SUGCT: variants seen among roughly 807,000 people sequenced by gnomAD.
SUGCT encodes succinyl-CoA:glutarate-CoA transferase.
In SUGCT, 41 loss-of-function variants were observed where a neutral mutation model predicts 55.0. The ratio of observed to expected loss-of-function variants is 0.74; its 90% CI spans 0.58 to 0.97. The LOEUF is 0.97. SUGCT is among the 50% of genes least tolerant of loss of function. The pLI is 0.00. For missense variants in SUGCT, 568 were observed against 547.8 expected (o/e 1.04, Z -0.37); for synonymous variants, 187 against 200.4 (o/e 0.93, Z 0.56).
At chr7:40,879,775 G>A in the SUGCT span, among the ~76,000 whole-genome samples, 31 of 152,296 alleles carry the variant, frequency 2.0e-4, no homozygotes, top group African/African-American at 7.0e-4. Flanking sequence ...GTCTGCAGTT[G>A]GGCAGTGCTT....
chr7:40,680,616 A>G (rs1584263093), intron 12 of SUGCT, among the ~76,000 whole-genome samples: 3 of 152,272 alleles, frequency 2.0e-5, no homozygotes, highest in Admixed American at 2.0e-4. Context: ...TACTTGTTCC[A>G]TGAAGTTTTA....
intron 1 of SUGCT, among the ~76,000 whole-genome samples, chr7:40,165,260 A>G (rs997964144): frequency 6.6e-6 from 1 of 152,036 alleles, no homozygotes; most frequent in Admixed American, 6.6e-5. Context: ...TTTAATCTCA[A>G]TAGTTGGCTA....
At chr7:40,476,328 C>G (rs964736233) in intron 11 of SUGCT, among the ~76,000 whole-genome samples, 1 of 152,076 alleles carries the variant, frequency 6.6e-6, no homozygotes, top group African/African-American at 2.4e-5. Flanking sequence ...ACAGTGCTTA[C>G]AGTTAGTGGA....
intron 12 of SUGCT, among the ~76,000 whole-genome samples, chr7:40,514,241 T>C (rs1793111436): frequency 6.6e-6 from 1 of 152,078 alleles, no homozygotes; most frequent in Non-Finnish European, 1.5e-5. Context: ...AGTCCTGATG[T>C]AGAGTCACCA....
intron 13 of SUGCT, among the ~76,000 whole-genome samples, chr7:40,838,957 T>TA (rs1793136795): frequency 1.3e-5 from 2 of 151,870 alleles, no homozygotes; most frequent in African/African-American, 4.8e-5. Context: ...TTTTTTTTTT[T>TA]TTTCACATGT....
At chr7:40,341,485 G>A (rs1294567481) in intron 9 of SUGCT, among the ~76,000 whole-genome samples, 5 of 152,170 alleles carry the variant, frequency 3.3e-5, no homozygotes, top group African/African-American at 1.2e-4. Context: ...TCCCTCTTGG[G>A]ATTTCTGCTG....
intron 12 of SUGCT, among the ~76,000 whole-genome samples, chr7:40,698,522 G>A (rs1457405155): frequency 6.6e-6 from 1 of 151,934 alleles, no homozygotes; most frequent in Non-Finnish European, 1.5e-5. Context: ...AGGAAGAAGC[G>A]ACCACACCCT....
chr7:40,336,534 G>A (rs1448866803), intron 9 of SUGCT, among the ~76,000 whole-genome samples: 8 of 152,124 alleles, frequency 5.3e-5, no homozygotes, highest in Non-Finnish European at 7.4e-5. Context: ...GTTTATTTGT[G>A]TAGAGGTGTT....
chr7:40,409,346 C>G (rs1393503862), intron 9 of SUGCT, among the ~76,000 whole-genome samples: 5 of 150,918 alleles, frequency 3.3e-5, no homozygotes, highest in African/African-American at 7.3e-5. Flanking sequence ...TCACAGCAGC[C>G]TTGACTTCCT....
chr7:40,385,912 A>G (rs1785098691), intron 9 of SUGCT, among the ~76,000 whole-genome samples: 1 of 152,212 alleles, frequency 6.6e-6, no homozygotes, highest in Non-Finnish European at 1.5e-5. Flanking sequence ...GTGACATGTA[A>G]CAATTGTTAG....
intron 8 of SUGCT, among the ~76,000 whole-genome samples, chr7:40,292,729 T>C (rs894384193): frequency 6.6e-6 from 1 of 152,204 alleles, no homozygotes; most frequent in African/African-American, 2.4e-5. Context: ...TGGTGCGGTA[T>C]AGTCAGATAT....
In SUGCT at chr7:40,170,077, T is replaced by C. The variant is rs1245475870; in HGVS notation, c.101-10870T>C. ...CTAATTTTCCTTAGTCCTTCTGGCA[T>C]GCAAGTTAGCAAATGTCTGTGGCAC... On this transcript the variant is annotated intron_variant, in intron 1 of 13. Coordinates refer to ENST00000335693, the MANE Select transcript of SUGCT (RefSeq NM_001193313.2). Among the ~76,000 whole-genome samples, 122 of 152,168 alleles carry C rather than the reference T, an allele frequency of 8.0e-4. 1 individual carries two copies. The highest frequency in any genetic ancestry group is 7.9e-3 in the Admixed American group (121 of 15,266).
chr7:40,324,244 A>T (rs367793754), intron 9 of SUGCT, among the ~76,000 whole-genome samples: 34,392 of 93,624 alleles, frequency 0.37, 5,972 homozygotes, highest in South Asian at 0.46. Flanking sequence ...TAAATAAATA[A>T]ATAAATAAAT....
rs368438164 is a variant in SUGCT, at chr7:40,718,114, T to C, written c.1090-31320T>C. The stretch of plus-strand genomic sequence containing the variant: ...AAACTGTGCTCTTGATTTTGGTCAT[T>C]TGTATCAAATCATATTTCATGCAAA... On this transcript the variant is annotated intron_variant, in intron 12 of 13. Transcript: ENST00000335693. Among the ~76,000 whole-genome samples the C allele has an allele frequency of 2.8e-4, 43 of 152,340 alleles. 2 individuals carry two copies. The South Asian group carries it at 8.3e-3, about 29-fold the overall frequency.
intron 12 of SUGCT, among the ~76,000 whole-genome samples, chr7:40,619,012 G>T (rs1799143237): frequency 6.6e-6 from 1 of 152,130 alleles, no homozygotes; most frequent in Non-Finnish European, 1.5e-5. Flanking sequence ...CACCGTCTTT[G>T]AGTCACATTC....
At chr7:40,535,701 G>A (rs932314804) in intron 12 of SUGCT, among the ~76,000 whole-genome samples, 1 of 152,180 alleles carries the variant, frequency 6.6e-6, no homozygotes, top group Non-Finnish European at 1.5e-5. Flanking sequence ...ATGAAATCAT[G>A]TTCTTTGAAG....
chr7:40,660,955 C>A (rs1584229570), intron 12 of SUGCT, among the ~76,000 whole-genome samples: 1 of 152,086 alleles, frequency 6.6e-6, no homozygotes, highest in Admixed American at 6.6e-5. Context: ...ACTGGGAACC[C>A]CCTGAGGCTG....
intron 12 of SUGCT, among the ~76,000 whole-genome samples, chr7:40,665,464 TA>T (rs1801574477): frequency 6.7e-6 from 1 of 149,656 alleles, no homozygotes; most frequent in Non-Finnish European, 1.5e-5. Flanking sequence ...AATAAATAAA[TA>T]AATAAATAAA....
At chr7:40,742,672 A>G (rs1031561293) in intron 12 of SUGCT, among the ~76,000 whole-genome samples, 7 of 150,864 alleles carry the variant, frequency 4.6e-5, no homozygotes, top group Admixed American at 6.6e-5. Context: ...GGACCATGGT[A>G]CCGGTTTGCG....
Sources: gnomAD v4.1 joint callset for allele counts (sites outside exome capture counted in the v4.1 genomes callset) on GRCh38, gnomAD v4.1.1 for gene constraint, MANE v1.5 for transcripts, NCBI Gene and HGNC (gene_info 2026-07-23, HGNC 2026-07-21) for gene names.